Variants in PCDH7 observed in about 807,000 individuals in gnomAD.
PCDH7 encodes protocadherin 7, also known as protocadherin-7.
PCDH7 carries 17 observed loss-of-function variants against 58.9 expected under a neutral mutation model. That is an observed-to-expected ratio of 0.29 (90% confidence interval 0.20 to 0.43). PCDH7 has a LOEUF of 0.43. Among genes scored for constraint, PCDH7 ranks in the 20% least tolerant of loss-of-function variants. The pLI is 1.00. For synonymous variants in PCDH7, 664 were observed against 616.4 expected, an observed-to-expected ratio of 1.08 and a Z score of -1.14; for missense variants, 1,274 against 1,441.0, an observed-to-expected ratio of 0.88 and a Z score of 1.88.
chr4:31,105,184 C>T (rs1715396121), intron 3 of PCDH7, among the ~76,000 whole-genome samples: 1 of 152,134 alleles, frequency 6.6e-6, no homozygotes, highest in Non-Finnish European at 1.5e-5. Context: ...ACTTCATTTA[C>T]TTCTTTGTGT....
chr4:31,059,589 A>C (rs556731047), intron 3 of PCDH7, among the ~76,000 whole-genome samples: 10 of 151,950 alleles, frequency 6.6e-5, no homozygotes, highest in African/African-American at 1.9e-4. Flanking sequence ...GTTTGAACAC[A>C]TAGTAAAAGA....
In PCDH7 at chr4:31,053,631, C is replaced by T. The variant is rs192217579; in HGVS notation, c.*8-88842C>T. On this transcript the variant is annotated intron_variant, in intron 3 of 3. Transcript: ENST00000509759. The stretch of plus-strand genomic sequence containing the variant: ...ATTTCTTTATCTTCTGCTGAGTCAT[C>T]TCTGCTCCTCTGAGGTCACTGTACT... Among the ~76,000 whole-genome samples the T allele has an allele frequency of 2.9e-4, 44 of 152,190 alleles. No homozygotes were observed. The East Asian group carries it at 8.3e-3, about 29-fold the overall frequency.
At chr4:30,882,806 A>C (rs1737159202) in intron 1 of PCDH7, among the ~76,000 whole-genome samples, 1 of 152,254 alleles carries the variant, frequency 6.6e-6, no homozygotes, top group South Asian at 2.1e-4. Flanking sequence ...CCCCATGCCA[A>C]AAGTTAGTAG....
chr4:30,932,161 T>C (rs1206383679), intron 2 of PCDH7, among the ~76,000 whole-genome samples: 5 of 152,164 alleles, frequency 3.3e-5, no homozygotes, highest in African/African-American at 9.7e-5. Flanking sequence ...GTAGGTGTGC[T>C]TCAAAACATA....
intron 3 of PCDH7, among the ~76,000 whole-genome samples, chr4:30,960,100 A>G (rs1239677047): frequency 1.5e-5 from 2 of 131,374 alleles, no homozygotes; most frequent in African/African-American, 2.9e-5. Context: ...GAAGGAAGGA[A>G]GAAAGGAAGG....
chr4:31,015,498 T>C (rs1215906143), intron 3 of PCDH7, among the ~76,000 whole-genome samples: 1 of 152,150 alleles, frequency 6.6e-6, no homozygotes, highest in Non-Finnish European at 1.5e-5. Flanking sequence ...TGAAAATACA[T>C]ATATAAAAAT....
intron 1 of PCDH7, among the ~76,000 whole-genome samples, chr4:30,847,666 T>C (rs1292266194): frequency 2.0e-5 from 3 of 152,216 alleles, no homozygotes; most frequent in Non-Finnish European, 1.5e-5. Flanking sequence ...TAGTTGACTT[T>C]TGCTGAAATC....
At chr4:30,797,357 C>T (rs1724925236) in intron 1 of PCDH7, among the ~76,000 whole-genome samples, 1 of 151,742 alleles carries the variant, frequency 6.6e-6, no homozygotes, top group South Asian at 2.1e-4. Flanking sequence ...ACTGCAAGTT[C>T]CGCCTCCCGG....
intron 1 of PCDH7, among the ~76,000 whole-genome samples, chr4:30,907,014 C>T (rs893034543): frequency 1.3e-5 from 2 of 151,968 alleles, no homozygotes; most frequent in African/African-American, 2.4e-5. Context: ...CAGAGTGAGA[C>T]TCAGTCTCAA....
At chr4:30,776,915 C>CT (rs1722145046) in intron 1 of PCDH7, among the ~76,000 whole-genome samples, 1 of 150,982 alleles carries the variant, frequency 6.6e-6, no homozygotes, top group South Asian at 2.1e-4. Flanking sequence ...CAGTTAAGAA[C>CT]TTAAGGTTAG....
chr4:30,866,532 A>T (rs1017261277), intron 1 of PCDH7, among the ~76,000 whole-genome samples: 6 of 152,078 alleles, frequency 3.9e-5, no homozygotes, highest in African/African-American at 1.2e-4. Context: ...CTGTAACGTT[A>T]GAGCAAATAT....
intron 2 of PCDH7, among the ~76,000 whole-genome samples, chr4:30,925,317 C>T (rs1226406118): frequency 6.6e-6 from 1 of 152,084 alleles, no homozygotes; most frequent in African/African-American, 2.4e-5. Flanking sequence ...TAAAGGACCT[C>T]CTCTTTCTCT....
chr4:30,902,818 G>A (rs1740407806), intron 1 of PCDH7, among the ~76,000 whole-genome samples: 1 of 152,108 alleles, frequency 6.6e-6, no homozygotes, highest in African/African-American at 2.4e-5. Flanking sequence ...AGTAGTAGTA[G>A]TAATAAAATA....
rs544435572 is a variant in PCDH7 at position 31,089,766 on chromosome 4, G to A, written c.*8-52707G>A. Among the ~76,000 whole-genome samples the A allele has an allele frequency of 1.9e-4, 29 of 152,120 alleles. No individual in the cohort carries two copies. In the South Asian group the frequency reaches 4.8e-3, roughly 25 times the overall value. ...TGATGCTCTTTGAATAGTAACTTTAGGTAATGGAGAAGTAACATTATATTC... is the reference window on the plus strand; with the variant it reads ...TGATGCTCTTTGAATAGTAACTTTAAGTAATGGAGAAGTAACATTATATTC... On this transcript the variant is annotated intron_variant, in intron 3 of 3. Coordinates refer to the PCDH7 transcript ENST00000509759.
chr4:30,749,830 G>T (rs1408189761), intron 1 of PCDH7, among the ~76,000 whole-genome samples: 1 of 152,094 alleles, frequency 6.6e-6, no homozygotes, highest in East Asian at 1.9e-4. Flanking sequence ...ATTAGATTAT[G>T]ATTTTGGTTT....
At chr4:30,915,955 T>C (rs1201015583) in intron 1 of PCDH7, among the ~76,000 whole-genome samples, 4 of 152,210 alleles carry the variant, frequency 2.6e-5, no homozygotes, top group Non-Finnish European at 5.9e-5. Context: ...TTGCACTGCC[T>C]GTCCTAAATT....
intron 1 of PCDH7, among the ~76,000 whole-genome samples, chr4:30,896,048 C>A (rs1480376577): frequency 1.3e-5 from 2 of 152,120 alleles, no homozygotes; most frequent in Non-Finnish European, 1.5e-5. Context: ...ACTACATAAA[C>A]CCTGAGGAGG....
chr4:31,085,775 T>A (rs553946301), intron 3 of PCDH7, among the ~76,000 whole-genome samples: 2 of 152,192 alleles, frequency 1.3e-5, no homozygotes, highest in South Asian at 4.1e-4. Flanking sequence ...ACTTAGCAAC[T>A]GCTAAAATTC....
At chr4:31,118,860 A>G (rs1717308397) in intron 3 of PCDH7, among the ~76,000 whole-genome samples, 1 of 152,192 alleles carries the variant, frequency 6.6e-6, no homozygotes, top group Non-Finnish European at 1.5e-5. Flanking sequence ...AAAATTTTAA[A>G]AAGGAAAAGA....
Sources: gnomAD v4.1 joint callset for allele counts (sites outside exome capture counted in the v4.1 genomes callset) on GRCh38, gnomAD v4.1.1 for gene constraint, MANE v1.5 for transcripts, NCBI Gene and HGNC (gene_info 2026-07-23, HGNC 2026-07-21) for gene names.